The following RORB variants were observed in gnomAD, a reference collection of about 807,000 sequenced individuals.
RORB encodes RAR related orphan receptor B.
RORB carries 6 observed loss-of-function variants against 59.1 expected under a neutral mutation model. The ratio of observed to expected loss-of-function variants is 0.10; its 90% confidence interval spans 0.06 to 0.20. The LOEUF is 0.20. Among genes scored for constraint, RORB ranks in the 10% least tolerant of loss-of-function variants. RORB has a pLI of 1.00. For synonymous variants in RORB, 215 were observed against 204.5 expected (o/e 1.05, Z -0.44); for missense variants, 320 against 560.5 (o/e 0.57, Z 4.33).
At chr9:74,660,880 C>T in intron 5 of RORB, 142 bp downstream of exon 5, 1 of 781,678 alleles carries the variant, frequency 1.3e-6, no homozygotes, top group Non-Finnish European at 2.0e-6. Context: ...ACCAGCATCC[C>T]TGGCCCTACC....
At chr9:74,573,881 T>C (rs759164948) in intron 1 of RORB, among the ~76,000 whole-genome samples, 4 of 152,118 alleles carry the variant, frequency 2.6e-5, no homozygotes, top group Non-Finnish European at 5.9e-5. Context: ...CAACTGTGTC[T>C]CTGGAGGATA....
At position 74,511,098 on chromosome 9, in the gene RORB, C is replaced by A. The variant is rs148583477; in HGVS notation, c.7+13115C>A. 7.9e-3 allele frequency among the ~76,000 whole-genome samples: 1,202 copies of A among 152,180 alleles called. 4 individuals are homozygous for A. The highest frequency in any genetic ancestry group is 0.015 in the Admixed American group (222 of 15,272). On this transcript the variant is annotated intron_variant, in intron 1 of 9. Coordinates refer to ENST00000376896, the MANE Select transcript of RORB (RefSeq NM_006914.4). ...AGCCTCACAGTGATGTTTAGGGAAA[C>A]CTTAGTTGTAATGCTCTTTACCACA...
intron 1 of RORB, among the ~76,000 whole-genome samples, chr9:74,552,573 A>T (rs999785189): frequency 6.6e-6 from 1 of 152,154 alleles, no homozygotes; most frequent in South Asian, 2.1e-4. Flanking sequence ...GTGTTTAGCT[A>T]TCAATAGTTC....
intron 1 of RORB, among the ~76,000 whole-genome samples, chr9:74,532,035 GA>G (rs1826249988): frequency 6.6e-6 from 1 of 151,772 alleles, no homozygotes; most frequent in South Asian, 2.1e-4. Flanking sequence ...CTGTCACTGT[GA>G]ATAAAAATAA....
intron 1 of RORB, among the ~76,000 whole-genome samples, chr9:74,519,455 G>C (rs568272747): frequency 1.3e-5 from 2 of 152,100 alleles, no homozygotes; most frequent in East Asian, 3.9e-4. Flanking sequence ...CAGAACCCTT[G>C]AGACCTAATT....
At chr9:74,544,010 A>G (rs1204471246) in intron 1 of RORB, among the ~76,000 whole-genome samples, 1 of 152,170 alleles carries the variant, frequency 6.6e-6, no homozygotes, top group African/African-American at 2.4e-5. Flanking sequence ...CTAGGGTTTA[A>G]ATTGGATGAA....
chr9:74,524,850 T>A lies in RORB; in HGVS notation c.7+26867T>A, dbSNP rs750690275. ...GGTTTTTCTTTAAATTTGTTAAAAATTTTTTGAAAAATATGTCTTTGATTC... is the reference window on the plus strand; with the variant it reads ...GGTTTTTCTTTAAATTTGTTAAAAAATTTTTGAAAAATATGTCTTTGATTC... On this transcript the variant is annotated intron_variant, in intron 1 of 9. Transcript: ENST00000376896. Among the ~76,000 whole-genome samples the A allele has an allele frequency of 1.1e-3, 172 of 151,968 alleles. 1 individual carries two copies. Among genetic ancestry groups the A allele is most frequent in the Non-Finnish European group, 2.1e-3 (144 of 67,874 alleles).
intron 1 of RORB, among the ~76,000 whole-genome samples, chr9:74,506,661 T>G (rs1009047632): frequency 2.0e-5 from 3 of 152,084 alleles, no homozygotes; most frequent in African/African-American, 7.2e-5. Context: ...TAAACTCACA[T>G]AAGCAAATGC....
At chr9:74,644,523 C>T (rs1823864525) in intron 4 of RORB, among the ~76,000 whole-genome samples, 1 of 152,120 alleles carries the variant, frequency 6.6e-6, no homozygotes, top group African/African-American at 2.4e-5. Flanking sequence ...CCAGGGTTCA[C>T]CTCAGACAGT....
rs1301231080 is a variant in RORB, at chr9:74,687,809, C to T, written c.*2191C>T. ...GGGTAATGGAAGGCACTCAATTAAA[C>T]CAAGCCGTTTCCAAATGCAATGTAT... is the stretch of plus-strand genomic sequence containing the variant. On this transcript the variant is annotated 3_prime_UTR_variant, in exon 10 of 10. Transcript: ENST00000376896. 9.2e-5 allele frequency: 14 copies of T among 152,176 alleles called. No homozygotes were observed. The highest frequency in any genetic ancestry group is 2.9e-4 in the African/African-American group (12 of 41,442). The allele number at this position is 152,176 out of a possible 1,614,324, so 9.4% of individuals were successfully genotyped here. A position where few individuals can be genotyped will look rare whatever the true frequency, so the allele number is the denominator to read the frequency against.
At chr9:74,630,414 T>G in intron 2 of RORB, 47 bp downstream of exon 2, 1 of 1,438,476 alleles carries the variant, frequency 7.0e-7, no homozygotes, top group Non-Finnish European at 9.6e-7. Flanking sequence ...CTCAGGCATC[T>G]GTGTACCTCA....
intron 9 of RORB, among the ~76,000 whole-genome samples, chr9:74,676,234 C>T (rs949119620): frequency 2.0e-5 from 3 of 152,184 alleles, no homozygotes; most frequent in African/African-American, 7.2e-5. Context: ...TTTGTGCCTC[C>T]TGGTTAATTA....
chr9:74,571,245 C>T (rs1163096725), intron 1 of RORB, among the ~76,000 whole-genome samples: 1 of 151,950 alleles, frequency 6.6e-6, no homozygotes, highest in Admixed American at 6.6e-5. Context: ...CAAAAAATTT[C>T]ACCTAAACCA....
intron 1 of RORB, among the ~76,000 whole-genome samples, chr9:74,564,372 G>A (rs1228166705): frequency 6.6e-6 from 1 of 152,186 alleles, no homozygotes; most frequent in Admixed American, 6.6e-5. Context: ...CATGTTCAAA[G>A]TAATAATGCC....
intron 1 of RORB, among the ~76,000 whole-genome samples, chr9:74,533,102 T>A (rs1408332389): frequency 6.6e-6 from 1 of 151,840 alleles, no homozygotes; most frequent in Non-Finnish European, 1.5e-5. Flanking sequence ...CTTTACTCAT[T>A]ACACCACCTG....
chr9:74,609,105 C>T (rs1019230194), intron 1 of RORB, among the ~76,000 whole-genome samples: 4 of 152,268 alleles, frequency 2.6e-5, no homozygotes, highest in Admixed American at 2.0e-4. Flanking sequence ...ATAATTTTAA[C>T]GGAATTAAAT....
intron 1 of RORB, among the ~76,000 whole-genome samples, chr9:74,577,420 A>G (rs1330259353): frequency 6.6e-6 from 1 of 151,998 alleles, no homozygotes; most frequent in African/African-American, 2.4e-5. Context: ...GCTCTTCCTC[A>G]CCCTAAATTT....
At chr9:74,531,502 G>T (rs1238959885) in intron 1 of RORB, among the ~76,000 whole-genome samples, 1 of 151,882 alleles carries the variant, frequency 6.6e-6, no homozygotes, top group South Asian at 2.1e-4. Flanking sequence ...CAAGCTTGGG[G>T]TTTTATGCCA....
At chr9:74,651,719 G>A (rs1293897746) in intron 4 of RORB, among the ~76,000 whole-genome samples, 1 of 152,162 alleles carries the variant, frequency 6.6e-6, no homozygotes, top group Non-Finnish European at 1.5e-5. Context: ...AAGACTGAAA[G>A]GGACCATGTT....
Sources: allele counts gnomAD v4.1 joint callset (sites outside exome capture counted in the v4.1 genomes callset), GRCh38; gene constraint gnomAD v4.1.1; transcripts MANE v1.5; gene names NCBI Gene and HGNC (gene_info 2026-07-23, HGNC 2026-07-21).